Variants in KIF14 observed in about 807,000 individuals in gnomAD.
The protein encoded by KIF14 is kinesin family member 14.
KIF14 carries 98 observed loss-of-function variants against 176.2 expected under a neutral mutation model. The observed-to-expected ratio is 0.56, with a 90% CI of 0.47 to 0.66. The LOEUF is 0.66. KIF14 is among the 30% of genes least tolerant of loss of function. The pLI, the probability that KIF14 is intolerant of heterozygous loss-of-function variation, is 0.00. For missense variants in KIF14, 1,751 were observed against 1,920.4 expected (o/e 0.91, Z 1.65); for synonymous variants, 566 against 632.2 (o/e 0.90, Z 1.57).
At position 200,559,818 on chromosome 1, in the gene KIF14, G is replaced by A. The variant is rs141806426; in HGVS notation, c.4231-366C>T. Among the ~76,000 whole-genome samples, 11 of 150,752 alleles carry A rather than the reference G, an allele frequency of 7.3e-5. No individual in the cohort carries two copies. The East Asian group carries it at 1.4e-3, about 19-fold the overall frequency. On this transcript the variant is annotated intron_variant, in intron 26 of 29. Coordinates refer to ENST00000367350, the MANE Select transcript of KIF14 (RefSeq NM_014875.3). Reference sequence around the variant, plus strand: ...TGCCCAGGCTGGAGTGAAATAGCACGATCTTGGCTCACTGCAACCTCCACC... The same window carrying A: ...TGCCCAGGCTGGAGTGAAATAGCACAATCTTGGCTCACTGCAACCTCCACC...
intron 1 of KIF14, 72 bp from the exon 2 acceptor site, chr1:200,618,910 A>G (rs1660552338): frequency 3.8e-6 from 2 of 531,412 alleles, no homozygotes; most frequent in Non-Finnish European, 6.5e-6. Flanking sequence ...AGAACATCCC[A>G]TTGTGTAAGT....
intron 14 of KIF14, 44 bp from the exon 15 acceptor site, chr1:200,593,813 T>A (rs1385418329): frequency 8.2e-7 from 1 of 1,219,112 alleles, no homozygotes; most frequent in Non-Finnish European, 1.2e-6. Flanking sequence ...TAGAACACAC[T>A]AAAAAGTAAG....
In KIF14 at chr1:200,605,429, T is replaced by C. The variant is rs200886213; in HGVS notation, c.1639-39A>G. 47 of 1,379,292 alleles carry C rather than the reference T, an allele frequency of 3.4e-5. No homozygotes were observed. In the East Asian group the frequency reaches 1.0e-3, roughly 30 times the overall value. 85.4% of individuals were successfully genotyped at this position (1,379,292 alleles called of 1,614,324 possible). On this transcript the variant is annotated intron_variant, in intron 7 of 29. Transcript: ENST00000367350. ...AGGAAGGAAGATCAGATCAGCAGAC[T>C]GTAACTCAATGATATAAAAATTAAG...
chr1:200,618,283 C>G lies in KIF14; in HGVS notation c.441G>C (p.Val147=). ...EIDSVKMTLN[V]GGETENNGVS... is the part of the protein sequence containing the mutation. ...CACCATTATTTTCTGTTTCACCTCC[C>G]ACATTCAGTGTCATTTTGACAGAAT... The change falls in exon 2 of 30, where the codon GTG becomes GTC. Residue 147 remains valine (V), a synonymous_variant. Transcript: ENST00000367350. 1 of 1,613,802 alleles carries G rather than the reference C, an allele frequency of 6.2e-7. No homozygotes were observed. The highest frequency in any genetic ancestry group is 8.5e-7 in the Non-Finnish European group (1 of 1,180,008).
chr1:200,568,614 A>G (rs1304152742), intron 23 of KIF14, among the ~76,000 whole-genome samples: 1 of 152,186 alleles, frequency 6.6e-6, no homozygotes, highest in African/African-American at 2.4e-5. Flanking sequence ...GTAAATCTGT[A>G]AACCCCACTT....
chr1:200,555,523 GGGAC>G (rs1216936130), intron 27 of KIF14, 69 bp from the exon 28 acceptor site: 1 of 870,118 alleles, frequency 1.1e-6, no homozygotes, highest in Non-Finnish European at 1.7e-6. Flanking sequence ...AGAATTGCAT[GGGAC>G]CAGACTTTTA....
At chr1:200,569,845 A>AAAGGG (rs1423616244) in intron 23 of KIF14, 66 bp downstream of exon 23, 1 of 831,568 alleles carries the variant, frequency 1.2e-6, no homozygotes, top group African/African-American at 1.7e-5. Flanking sequence ...GATAAGAAAA[A>AAAGGG]ATGTAATGGT....
At chr1:200,615,189 G>A (rs114659771) in intron 3 of KIF14, among the ~76,000 whole-genome samples, 166 bp downstream of exon 3, 33 of 152,298 alleles carry the variant, frequency 2.2e-4, no homozygotes, top group African/African-American at 7.2e-4. Context: ...GAAGCCCAGA[G>A]GCTAAGTAAA....
At chr1:200,567,404 G>T (rs1375691940) in intron 23 of KIF14, among the ~76,000 whole-genome samples, 2 of 151,942 alleles carry the variant, frequency 1.3e-5, no homozygotes, top group Non-Finnish European at 2.9e-5. Context: ...AATTAGCCGG[G>T]CCTGGTGGCA....
intron 28 of KIF14, 68 bp downstream of exon 28, chr1:200,555,312 T>C: frequency 1.0e-6 from 1 of 982,740 alleles, no homozygotes; most frequent in Non-Finnish European, 1.6e-6. Flanking sequence ...AATAAAAATA[T>C]CTACATTTGA....
At chr1:200,586,368 T>C (rs535755432) in intron 18 of KIF14, 141 bp from the exon 19 acceptor site, 1 of 572,950 alleles carries the variant, frequency 1.7e-6, no homozygotes, top group Non-Finnish European at 2.8e-6. Flanking sequence ...TAACATTGTA[T>C]AACTTAAATA....
chr1:200,593,927 G>GTTTTTTTTTTTTTTT (rs57476742), intron 14 of KIF14, among the ~76,000 whole-genome samples, 158 bp from the exon 15 acceptor site: 2 of 100,528 alleles, frequency 2.0e-5, no homozygotes, highest in South Asian at 3.5e-4. Context: ...CCTCCAACTA[G>GTTTTTTTTTTTTTTT]TTTTTTTTTT....
intron 8 of KIF14, among the ~76,000 whole-genome samples, chr1:200,604,589 C>T (rs1043892722): frequency 6.6e-6 from 1 of 151,760 alleles, no homozygotes; most frequent in African/African-American, 2.4e-5. Flanking sequence ...ATTATAATAG[C>T]AAAACATTTA....
intron 4 of KIF14, among the ~76,000 whole-genome samples, chr1:200,612,725 A>G (rs1403178391): frequency 6.6e-6 from 1 of 152,124 alleles, no homozygotes; most frequent in Non-Finnish European, 1.5e-5. Flanking sequence ...TGTGATCTCA[A>G]AAAATGACAT....
chr1:200,612,616 A>G (rs1437726619), intron 4 of KIF14, among the ~76,000 whole-genome samples: 1 of 152,166 alleles, frequency 6.6e-6, no homozygotes, highest in East Asian at 1.9e-4. Flanking sequence ...CAATTTAATT[A>G]CTGGGAATGA....
At chr1:200,580,859 C>T (rs924027989) in intron 20 of KIF14, among the ~76,000 whole-genome samples, 1 of 151,788 alleles carries the variant, frequency 6.6e-6, no homozygotes, top group Middle Eastern at 3.2e-3. Flanking sequence ...ACCTGTAATC[C>T]CAGCACTTTG....
Position 200,569,928 on chromosome 1 carries a change from T to A in KIF14, c.3644A>T (p.His1215Leu), listed in dbSNP as rs1357960877. Reference protein sequence around the residue: ...DIQVHPIKNLHSSHSSGLMDK... With the variant: ...DIQVHPIKNLLSSHSSGLMDK... ...AAAAATACCTGATGAATGTGAAGAATGCAAATTCTTAATTGGATGGACTTG... is the reference window on the plus strand; with the variant it reads ...AAAAATACCTGATGAATGTGAAGAAAGCAAATTCTTAATTGGATGGACTTG... The change falls in exon 23 of 30, where the codon CAT (histidine) becomes CTT (leucine). Residue 1215 changes from histidine to leucine, a missense_variant. Physicochemically the swap from His to Leu is moderately conservative, Grantham distance 99. Coordinates refer to ENST00000367350, the MANE Select transcript of KIF14 (RefSeq NM_014875.3). 6.3e-7 allele frequency: 1 copy of A among 1,593,788 alleles called. No homozygotes were observed. The highest frequency in any genetic ancestry group is 1.3e-5 in the African/African-American group (1 of 74,578).
intron 1 of KIF14, among the ~76,000 whole-genome samples, chr1:200,619,054 C>T (rs1660558739): frequency 6.6e-6 from 1 of 152,220 alleles, no homozygotes; most frequent in Non-Finnish European, 1.5e-5. Flanking sequence ...CCATTAGTGC[C>T]AGGCCCTCTG....
chr1:200,573,151 A>G (rs529665265), intron 22 of KIF14, among the ~76,000 whole-genome samples: 12 of 152,328 alleles, frequency 7.9e-5, no homozygotes, highest in African/African-American at 1.7e-4. Flanking sequence ...GATGTTGTCA[A>G]TCATGGTGGT....
Sources: allele counts gnomAD v4.1 joint callset (sites outside exome capture counted in the v4.1 genomes callset), GRCh38; gene constraint gnomAD v4.1.1; transcripts MANE v1.5; gene names NCBI Gene and HGNC (gene_info 2026-07-23, HGNC 2026-07-21).